FRMD6: variants seen among roughly 807,000 people sequenced by gnomAD.
FRMD6 encodes the protein FERM domain-containing protein 6.
In FRMD6, 37 loss-of-function variants were observed where a neutral mutation model predicts 73.2. That is an observed-to-expected ratio of 0.51 (90% CI 0.39 to 0.66). FRMD6 has a LOEUF of 0.66. Among genes scored for constraint, FRMD6 ranks in the 30% least tolerant of loss-of-function variants. The pLI, the probability that FRMD6 is intolerant of heterozygous loss-of-function variation, is 0.00. For synonymous variants in FRMD6, 273 were observed against 282.2 expected (o/e 0.97, Z 0.33); for missense variants, 714 against 780.5 (o/e 0.91, Z 1.02).
chr14:51,636,653 T>C (rs745557801), intron 2 of FRMD6, among the ~76,000 whole-genome samples: 8 of 152,104 alleles, frequency 5.3e-5, no homozygotes, highest in African/African-American at 9.7e-5. Flanking sequence ...AAGGTTAAAT[T>C]TGATGATAAA....
At chr14:51,638,218 G>T (rs991666444) in intron 2 of FRMD6, among the ~76,000 whole-genome samples, 2 of 152,102 alleles carry the variant, frequency 1.3e-5, no homozygotes, top group African/African-American at 4.8e-5. Flanking sequence ...GGAGTTTGAG[G>T]TTGCAGAGAG....
At chr14:51,587,947 C>T (rs1427916072) in intron 2 of FRMD6, among the ~76,000 whole-genome samples, 2 of 152,138 alleles carry the variant, frequency 1.3e-5, no homozygotes, top group African/African-American at 2.4e-5. Flanking sequence ...ATGAACTCCC[C>T]TGACCCCTGA....
upstream of FRMD6, among the ~76,000 whole-genome samples, chr14:51,487,250 T>C (rs1882785631): frequency 6.6e-6 from 1 of 152,246 alleles, no homozygotes; most frequent in Non-Finnish European, 1.5e-5. Flanking sequence ...TCCCTGTAAA[T>C]GAATTGCTTG....
At chr14:51,526,251 A>G (rs17584935) in intron 1 of FRMD6, among the ~76,000 whole-genome samples, 7,792 of 152,228 alleles carry the variant, frequency 0.051, 202 homozygotes, top group Middle Eastern at 0.092. Flanking sequence ...AAGGTGGAGC[A>G]AGTACTGTCC....
chr14:51,579,962 A>G (rs530203714), intron 2 of FRMD6, among the ~76,000 whole-genome samples: 1 of 152,292 alleles, frequency 6.6e-6, no homozygotes, highest in African/African-American at 2.4e-5. Flanking sequence ...GTTACCCATG[A>G]AACGTTCTGG....
At chr14:51,540,753 G>A (rs1366889405) in intron 1 of FRMD6, among the ~76,000 whole-genome samples, 2 of 151,826 alleles carry the variant, frequency 1.3e-5, no homozygotes, top group African/African-American at 2.4e-5. Flanking sequence ...AATTCCATGA[G>A]CAAATAAATG....
At chr14:51,437,019 G>T in the FRMD6 span, 168 of 615,202 alleles carry the variant, frequency 2.7e-4, no homozygotes, top group African/African-American at 1.2e-3. Context: ...TAAGTTCTGG[G>T]ATACATGTGC....
chr14:51,440,577 G>A, the FRMD6 span, among the ~76,000 whole-genome samples: 1 of 152,214 alleles, frequency 6.6e-6, no homozygotes. Context: ...GCTACCCTTA[G>A]AAAGTGCTGG....
intron 2 of FRMD6, among the ~76,000 whole-genome samples, chr14:51,695,997 T>G (rs1895920813): frequency 6.6e-6 from 1 of 152,112 alleles, no homozygotes; most frequent in Non-Finnish European, 1.5e-5. Flanking sequence ...TTTTTAGAAT[T>G]TATAATAACT....
Position 51,715,430 on chromosome 14 carries a change from A to G in FRMD6, c.955A>G (p.Asn319Asp), listed in dbSNP as rs761737337. 9.9e-6 allele frequency: 16 copies of G among 1,613,854 alleles called. No homozygotes were observed. The highest frequency in any genetic ancestry group is 1.3e-5 in the Non-Finnish European group (15 of 1,179,918). The change falls in exon 10 of 14, where the codon AAC becomes GAC. Residue 319 changes from asparagine to aspartate, a missense_variant. Transcript: ENST00000344768. The part of the protein sequence containing the change: ...RSRHLLQLLS[N>D]SHRLYMNLQP... ...CAGACACCTCCTGCAACTTCTGAGCAACAGCCACCGCCTCTATATGAATCT... is the reference window on the plus strand; with the variant it reads ...CAGACACCTCCTGCAACTTCTGAGCGACAGCCACCGCCTCTATATGAATCT...
intron 12 of FRMD6, among the ~76,000 whole-genome samples, chr14:51,723,933 C>A (rs1335263193): frequency 2.0e-5 from 3 of 151,858 alleles, no homozygotes; most frequent in Non-Finnish European, 2.9e-5. Flanking sequence ...TAATTAAAAA[C>A]AAGAATATTT....
chr14:51,708,066 G>C lies in FRMD6; in HGVS notation c.559-12G>C. 6.2e-7 allele frequency: 1 copy of C among 1,612,540 alleles called. No homozygotes were observed. The highest frequency in any genetic ancestry group is 8.5e-7 in the Non-Finnish European group (1 of 1,179,038). On this transcript the variant is annotated splice_polypyrimidine_tract_variant and intron_variant, in intron 6 of 13. Transcript: ENST00000344768. ...ACAAATGTTGCATTGCACACCCCTTGTATCCCAACAGGTTGTTTCCAAGAG... is the reference window on the plus strand; with the variant it reads ...ACAAATGTTGCATTGCACACCCCTTCTATCCCAACAGGTTGTTTCCAAGAG...
At chr14:51,613,115 A>C (rs1313193470) in intron 2 of FRMD6, among the ~76,000 whole-genome samples, 1 of 152,196 alleles carries the variant, frequency 6.6e-6, no homozygotes, top group Non-Finnish European at 1.5e-5. Context: ...GGCCAAAATG[A>C]GGAGTTTCTA....
intron 1 of FRMD6, among the ~76,000 whole-genome samples, chr14:51,677,933 C>T (rs1894508081): frequency 6.6e-6 from 1 of 152,114 alleles, no homozygotes; most frequent in African/African-American, 2.4e-5. Context: ...GAGCTGATTT[C>T]AGGGTGCCAG....
intron 11 of FRMD6, 143 bp from the exon 12 acceptor site, chr14:51,721,806 C>T: frequency 1.3e-6 from 1 of 758,960 alleles, no homozygotes; most frequent in Non-Finnish European, 2.1e-6. Flanking sequence ...TGAAAATGGT[C>T]CCTGGAGTTT....
intron 1 of FRMD6, among the ~76,000 whole-genome samples, chr14:51,657,532 G>T (rs1340151962): frequency 1.3e-5 from 2 of 152,132 alleles, no homozygotes; most frequent in Non-Finnish European, 2.9e-5. Context: ...AATTGATGTA[G>T]GTCGCAATAG....
intron 10 of FRMD6, among the ~76,000 whole-genome samples, chr14:51,718,266 G>A (rs881471): frequency 0.28 from 43,212 of 152,102 alleles, 6,598 homozygotes; most frequent in African/African-American, 0.38. Flanking sequence ...ATGTTGACAG[G>A]AATAGGTAGA....
intron 1 of FRMD6, among the ~76,000 whole-genome samples, chr14:51,510,468 A>G (rs1884234878): frequency 6.6e-6 from 1 of 150,992 alleles, no homozygotes; most frequent in South Asian, 2.1e-4. Context: ...TTTTTCCTGG[A>G]TTGTTATTAA....
intron 1 of FRMD6, among the ~76,000 whole-genome samples, chr14:51,529,232 T>C (rs1335120678): frequency 6.6e-6 from 1 of 152,284 alleles, no homozygotes; most frequent in Admixed American, 6.5e-5. Flanking sequence ...ATCCTAGTTG[T>C]ACTTCTTACT....
Sources: gnomAD v4.1 joint callset for allele counts (sites outside exome capture counted in the v4.1 genomes callset) on GRCh38, gnomAD v4.1.1 for gene constraint, MANE v1.5 for transcripts, NCBI Gene and HGNC (gene_info 2026-07-23, HGNC 2026-07-21) for gene names.